The following ATIC variants were observed in gnomAD, a reference collection of about 807,000 sequenced individuals.
ATIC encodes 5-aminoimidazole-4-carboxamide ribonucleotide formyltransferase/IMP cyclohydrolase.
A neutral mutation model predicts 72.5 loss-of-function variants in ATIC; 64 were observed. The observed-to-expected ratio is 0.88, with a 90% CI of 0.72 to 1.09. The LOEUF is 1.09. Among genes scored for constraint, ATIC ranks in the 50% least tolerant of loss-of-function variants. ATIC has a pLI of 0.00. For missense variants in ATIC, 787 were observed against 732.4 expected (o/e 1.07, Z -0.86); for synonymous variants, 281 against 267.1 (o/e 1.05, Z -0.51).
chr2:215,313,696 A>G (rs1163048254), intron 2 of ATIC, among the ~76,000 whole-genome samples: 1 of 152,202 alleles, frequency 6.6e-6, no homozygotes, highest in Non-Finnish European at 1.5e-5. Context: ...TTCTTTGTGC[A>G]GTTCCCAGCT....
At chr2:215,339,746 TGCTTCAGCCTCCCAAGTA>T (rs2052998294) in intron 12 of ATIC, among the ~76,000 whole-genome samples, 1 of 151,548 alleles carries the variant, frequency 6.6e-6, no homozygotes, top group Admixed American at 6.6e-5. Context: ...GCCATTCTCC[TGCTTCAGCCTCCCAAGTA>T]GCTGGGACTA....
At chr2:215,351,570 G>A (rs762940433), downstream of ATIC, among the ~76,000 whole-genome samples, 16 of 152,106 alleles carry the variant, frequency 1.1e-4, no homozygotes, top group Non-Finnish European at 1.6e-4. Flanking sequence ...GCAACATAGC[G>A]ACATCCTCAT....
At chr2:215,316,572 C>T (rs964886434) in intron 2 of ATIC, among the ~76,000 whole-genome samples, 5 of 152,076 alleles carry the variant, frequency 3.3e-5, no homozygotes, top group Non-Finnish European at 5.9e-5. Flanking sequence ...GAGATCCCAT[C>T]TCAAAAACTA....
At chr2:215,319,251 G>A (rs1409916588) in intron 3 of ATIC, among the ~76,000 whole-genome samples, 1 of 152,106 alleles carries the variant, frequency 6.6e-6, no homozygotes, top group Non-Finnish European at 1.5e-5. Flanking sequence ...CTTTAATTAA[G>A]AATATTATGC....
At chr2:215,361,621 A>G in the ATIC span, 1 of 1,610,490 alleles carries the variant, frequency 6.2e-7, no homozygotes, top group South Asian at 1.1e-5. Flanking sequence ...TTGGGCAATT[A>G]ACATTCTGTT....
chr2:215,366,950 TCTATA>T, the ATIC span, among the ~76,000 whole-genome samples: 1 of 152,232 alleles, frequency 6.6e-6, no homozygotes, highest in East Asian at 1.9e-4. Context: ...AACATGGAAG[TCTATA>T]TTGAAAACAC....
chr2:215,334,906 A>G lies in ATIC; in HGVS notation c.923-13A>G, dbSNP rs759875296. On this transcript the variant is annotated splice_polypyrimidine_tract_variant and intron_variant, in intron 9 of 15. Coordinates refer to ENST00000236959, the MANE Select transcript of ATIC (RefSeq NM_004044.7). ...ACTTTGTGATAAATACCTCATTTTAATTTTATTTACAGGGGCTGATAGGAT... is the reference window on the plus strand; with the variant it reads ...ACTTTGTGATAAATACCTCATTTTAGTTTTATTTACAGGGGCTGATAGGAT... 1.9e-6 allele frequency: 3 copies of G among 1,608,700 alleles called. No individual in the cohort carries two copies. Among genetic ancestry groups the G allele is most frequent in the Non-Finnish European group, 8.5e-7 (1 of 1,175,586 alleles).
chr2:215,341,118 G>A (rs944963712), intron 12 of ATIC, among the ~76,000 whole-genome samples: 5 of 152,166 alleles, frequency 3.3e-5, no homozygotes, highest in African/African-American at 1.2e-4. Context: ...CTGTTGATAA[G>A]CATACGACGA....
In ATIC at chr2:215,332,492, C is replaced by T; in HGVS notation, c.799C>T (p.His267Tyr). The change falls in exon 8 of 16, where the codon CAT becomes TAT. Residue 267 changes from histidine (H) to tyrosine (Y), a missense_variant. Transcript: ENST00000236959. ...TATTCCAGCCGCTGCCTCTTTCAAA[C>T]ATGTCAGCCCAGCAGGTAAAGCTCT... is the stretch of plus-strand genomic sequence containing the variant. ...LGIPAAASFK[H>Y]VSPAGAAVGI... 2.5e-6 allele frequency: 4 copies of T among 1,614,144 alleles called. No individual in the cohort carries two copies. Among genetic ancestry groups the T allele is most frequent in the Non-Finnish European group, 3.4e-6 (4 of 1,180,038 alleles).
At chr2:215,319,069 C>T (rs189782486) in intron 3 of ATIC, among the ~76,000 whole-genome samples, 123 of 151,854 alleles carry the variant, frequency 8.1e-4, no homozygotes, top group Non-Finnish European at 1.5e-3. Context: ...TTTATAGAGA[C>T]GGGGTCTCAC....
chr2:215,362,110 G>A, the ATIC span: 132 of 1,521,078 alleles, frequency 8.7e-5, no homozygotes, highest in African/African-American at 1.1e-3. Flanking sequence ...AGTCAAATGG[G>A]GTTTATGATA....
intron 2 of ATIC, among the ~76,000 whole-genome samples, chr2:215,314,214 TAAG>T: frequency 6.6e-6 from 1 of 152,326 alleles, no homozygotes; most frequent in East Asian, 1.9e-4. Flanking sequence ...TATGAAAGGA[TAAG>T]AAGTTCACCA....
chr2:215,367,857 A>G, the ATIC span: 1 of 1,613,830 alleles, frequency 6.2e-7, no homozygotes, highest in Non-Finnish European at 8.5e-7. Flanking sequence ...CAAAGCAACT[A>G]CTCACTAGAT....
At chr2:215,332,975 A>T (rs2052912573) in intron 8 of ATIC, among the ~76,000 whole-genome samples, 1 of 152,136 alleles carries the variant, frequency 6.6e-6, no homozygotes. Flanking sequence ...ATTTGTTCTC[A>T]GGTGTTTATT....
intron 12 of ATIC, among the ~76,000 whole-genome samples, chr2:215,342,414 T>G (rs757570624): frequency 1.3e-5 from 2 of 152,232 alleles, no homozygotes; most frequent in Non-Finnish European, 2.9e-5. Flanking sequence ...AGAGTTCCCA[T>G]GTAACCGTTA....
At chr2:215,360,247 A>G in the ATIC span, among the ~76,000 whole-genome samples, 2 of 152,140 alleles carry the variant, frequency 1.3e-5, no homozygotes, top group African/African-American at 4.8e-5. Context: ...CTGAATGTCA[A>G]ATTTAATCCC....
intron 11 of ATIC, among the ~76,000 whole-genome samples, chr2:215,338,330 A>G (rs974563271): frequency 2.0e-5 from 3 of 152,222 alleles, no homozygotes; most frequent in African/African-American, 4.8e-5. Flanking sequence ...GGTATTTTGT[A>G]ACAGATTTTT....
Position 215,333,541 on chromosome 2 carries a change from G to A in ATIC, c.922+84G>A, listed in dbSNP as rs912092956. ...AATAGAATAAAGAGGATAGAATAAA[G>A]AAAAAATATATAGATATTCTGTATA... is the stretch of plus-strand genomic sequence containing the variant. On this transcript the variant is annotated intron_variant, in intron 9 of 15. Coordinates refer to ENST00000236959, the MANE Select transcript of ATIC (RefSeq NM_004044.7). 2.5e-5 allele frequency: 26 copies of A among 1,021,338 alleles called. 1 individual carries two copies. The South Asian group carries it at 3.7e-4, about 15-fold the overall frequency. The allele number at this position is 1,021,338 out of a possible 1,614,324, so 63.3% of individuals were successfully genotyped here. A position where few individuals can be genotyped will look rare whatever the true frequency, so the allele number is the denominator to read the frequency against.
chr2:215,314,785 C>T (rs934572394), intron 2 of ATIC, among the ~76,000 whole-genome samples: 1 of 152,008 alleles, frequency 6.6e-6, no homozygotes, highest in Non-Finnish European at 1.5e-5. Context: ...AGCCACCGCA[C>T]CCGAGGCCAA....
Sources: gnomAD v4.1 joint callset for allele counts (sites outside exome capture counted in the v4.1 genomes callset) on GRCh38, gnomAD v4.1.1 for gene constraint, MANE v1.5 for transcripts, NCBI Gene and HGNC (gene_info 2026-07-23, HGNC 2026-07-21) for gene names.